The following PIGL variants were observed in gnomAD, a reference collection of about 807,000 sequenced individuals.
PIGL encodes phosphatidylinositol glycan anchor biosynthesis class L.
PIGL carries 22 observed loss-of-function variants against 31.1 expected under a neutral mutation model. The observed-to-expected ratio is 0.71, with a 90% CI of 0.51 to 1.01. PIGL has a LOEUF of 1.01. Among genes scored for constraint, PIGL ranks in the 50% least tolerant of loss-of-function variants. The probability of loss-of-function intolerance (pLI) is 0.00; values close to 1 mark genes in which losing one functional copy is unlikely to be tolerated. For synonymous variants in PIGL, 131 were observed against 117.4 expected, an observed-to-expected ratio of 1.12 and a Z score of -0.75; for missense variants, 302 against 315.9, an observed-to-expected ratio of 0.96 and a Z score of 0.33.
chr17:16,282,811 GT>G (rs1254331986), intron 2 of PIGL, among the ~76,000 whole-genome samples: 2 of 152,164 alleles, frequency 1.3e-5, no homozygotes, highest in African/African-American at 4.8e-5. Context: ...GTCCAGGCTG[GT>G]CATAGGACTC....
chr17:16,282,023 G>T, intron 2 of PIGL: 1 of 518,186 alleles, frequency 1.9e-6, no homozygotes. Context: ...AGAGGGTGTT[G>T]ATCAGCAGAT....
chr17:16,218,727 G>A lies in PIGL; in HGVS notation c.235+1266G>A, dbSNP rs2092611160. Among the ~76,000 whole-genome samples, 3 of 142,368 alleles carry A rather than the reference G, an allele frequency of 2.1e-5. No homozygotes were observed. The East Asian group carries it at 6.4e-4, about 30-fold the overall frequency. 93.4% of individuals were successfully genotyped at this position (142,368 alleles called of 152,430 possible). On this transcript the variant is annotated intron_variant, in intron 1 of 6. Transcript: ENST00000225609. ...ATAGTCTCGCTCTGTTGCCCAGGCTGGAGTGCCGTGGCGTGATCTCGGCTC... is the reference window on the plus strand; with the variant it reads ...ATAGTCTCGCTCTGTTGCCCAGGCTAGAGTGCCGTGGCGTGATCTCGGCTC...
chr17:16,312,143 C>A (rs1169174674), intron 3 of PIGL, among the ~76,000 whole-genome samples: 1 of 145,962 alleles, frequency 6.9e-6, no homozygotes, highest in African/African-American at 2.6e-5. Context: ...CTGCCCGCAG[C>A]CCCCCACCTC....
chr17:16,295,752 G>C (rs1171177592), intron 2 of PIGL, among the ~76,000 whole-genome samples: 1 of 151,960 alleles, frequency 6.6e-6, no homozygotes, highest in Non-Finnish European at 1.5e-5. Context: ...GACCAGCCTG[G>C]CCAATATGGT....
At chr17:16,289,324 G>A (rs1430778725) in intron 2 of PIGL, among the ~76,000 whole-genome samples, 2 of 152,216 alleles carry the variant, frequency 1.3e-5, no homozygotes, top group Non-Finnish European at 2.9e-5. Flanking sequence ...TTCAGCAACT[G>A]CCTGATGCAA....
chr17:16,324,879 G>C (rs1404937085), intron 6 of PIGL, among the ~76,000 whole-genome samples: 1 of 152,040 alleles, frequency 6.6e-6, no homozygotes, highest in Non-Finnish European at 1.5e-5. Flanking sequence ...CTAGAAGATA[G>C]GAACGACAAC....
chr17:16,308,595 A>G (rs2093035825), intron 3 of PIGL, among the ~76,000 whole-genome samples: 1 of 151,814 alleles, frequency 6.6e-6, no homozygotes, highest in Non-Finnish European at 1.5e-5. Context: ...CGCATTTGAG[A>G]CTGTAATCCC....
At chr17:16,311,937 ATCGTCATCATGGCCCGT>A (rs544532486) in intron 3 of PIGL, among the ~76,000 whole-genome samples, 28 of 152,234 alleles carry the variant, frequency 1.8e-4, no homozygotes, top group African/African-American at 6.5e-4. Flanking sequence ...CAAAACCGCC[ATCGTCATCATGGCCCGT>A]TCTCAATGAG....
intron 2 of PIGL, among the ~76,000 whole-genome samples, chr17:16,268,983 T>C (rs1310812188): frequency 1.3e-5 from 2 of 151,920 alleles, no homozygotes; most frequent in African/African-American, 2.4e-5. Context: ...AAGATGGTCT[T>C]GATCTCCTGA....
chr17:16,240,873 C>T (rs1163699276), intron 2 of PIGL, among the ~76,000 whole-genome samples: 1 of 100,150 alleles, frequency 1.0e-5, no homozygotes, highest in East Asian at 2.1e-4. Flanking sequence ...CTTTGGGAGG[C>T]CGAGGGGGTG....
At position 16,313,633 on chromosome 17, in the gene PIGL, T is replaced by C. The variant is rs377604282; in HGVS notation, c.494+19T>C. 15 of 1,588,652 alleles carry C rather than the reference T, an allele frequency of 9.4e-6. No homozygotes were observed. Among genetic ancestry groups the C allele is most frequent in the Non-Finnish European group, 1.3e-5 (15 of 1,156,830 alleles). On this transcript the variant is annotated intron_variant, in intron 4 of 6. Coordinates refer to ENST00000225609, the MANE Select transcript of PIGL (RefSeq NM_004278.4). The stretch of plus-strand genomic sequence containing the variant: ...CTGTGAGGTATGATTCTCCGGGTGA[T>C]GGATGTGGGGGAGGGTTTGTTTATT...
intron 6 of PIGL, among the ~76,000 whole-genome samples, chr17:16,323,844 C>A (rs1298314576): frequency 1.3e-5 from 2 of 151,698 alleles, no homozygotes; most frequent in East Asian, 3.9e-4. Flanking sequence ...GTCTTGAACT[C>A]CTGACCTGGT....
chr17:16,278,596 T>A (rs1036333573), intron 2 of PIGL, among the ~76,000 whole-genome samples: 10 of 152,224 alleles, frequency 6.6e-5, no homozygotes, highest in Admixed American at 3.3e-4. Flanking sequence ...TTAGCTAATA[T>A]GTTCACACAC....
rs572070219 is a variant in PIGL, at chr17:16,274,806, C to T, written c.336-25082C>T. On this transcript the variant is annotated intron_variant, in intron 2 of 6. Coordinates refer to ENST00000225609, the MANE Select transcript of PIGL (RefSeq NM_004278.4). ...CAGCGTTTTAGGAGGCCGAGGGGGG[C>T]GGATCACCTAAGGTCAGGAGTTTGA... is the stretch of plus-strand genomic sequence containing the variant. Among the ~76,000 whole-genome samples, 5 of 148,822 alleles carry T rather than the reference C, an allele frequency of 3.4e-5. 1 individual carries two copies. Among genetic ancestry groups the T allele is most frequent in the South Asian group, 4.3e-4 (2 of 4,616 alleles).
At chr17:16,316,945 C>T in intron 5 of PIGL, 1 of 1,315,098 alleles carries the variant, frequency 7.6e-7, no homozygotes, top group Non-Finnish European at 9.8e-7. Context: ...GTTTGCCCCT[C>T]AACCTGTCTA....
chr17:16,314,327 C>G (rs1261160616), intron 4 of PIGL, among the ~76,000 whole-genome samples: 1 of 152,144 alleles, frequency 6.6e-6, no homozygotes, highest in African/African-American at 2.4e-5. Flanking sequence ...ATTTAATAAC[C>G]TTCTTCTAAA....
intron 1 of PIGL, among the ~76,000 whole-genome samples, chr17:16,219,777 G>C (rs1237356447): frequency 3.3e-5 from 5 of 151,360 alleles, no homozygotes; most frequent in Non-Finnish European, 7.4e-5. Context: ...GGATAGCCAG[G>C]CTAGTCTCGA....
intron 2 of PIGL, among the ~76,000 whole-genome samples, chr17:16,298,111 T>C (rs1041079008): frequency 6.6e-6 from 1 of 152,114 alleles, no homozygotes; most frequent in Non-Finnish European, 1.5e-5. Flanking sequence ...TGGTCCCTGG[T>C]GCCAGAAAGG....
intron 2 of PIGL, among the ~76,000 whole-genome samples, chr17:16,254,080 CT>C (rs541131263): frequency 3.9e-5 from 6 of 152,130 alleles, no homozygotes; most frequent in Non-Finnish European, 8.8e-5. Context: ...CTAGTCCCTC[CT>C]CTAACACACT....
Sources: gnomAD v4.1 joint callset for allele counts (sites outside exome capture counted in the v4.1 genomes callset) on GRCh38, gnomAD v4.1.1 for gene constraint, MANE v1.5 for transcripts, NCBI Gene and HGNC (gene_info 2026-07-23, HGNC 2026-07-21) for gene names.